Variants in PARD3B observed in about 807,000 individuals in gnomAD.
PARD3B encodes par-3 family cell polarity regulator beta, also known as partitioning defective 3 homolog B.
PARD3B carries 103 observed loss-of-function variants against 130.2 expected under a neutral mutation model. The ratio of observed to expected loss-of-function variants is 0.79; its 90% CI spans 0.67 to 0.93. PARD3B has a LOEUF of 0.93. Among genes scored for constraint, PARD3B ranks in the 40% least tolerant of loss-of-function variants. The pLI, the probability that PARD3B is intolerant of heterozygous loss-of-function variation, is 0.00. For missense variants in PARD3B, 1,609 were observed against 1,499.2 expected (o/e 1.07, Z -1.21); for synonymous variants, 583 against 553.2 (o/e 1.05, Z -0.76).
At chr2:204,800,611 G>T (rs2042534595) in intron 2 of PARD3B, among the ~76,000 whole-genome samples, 1 of 152,152 alleles carries the variant, frequency 6.6e-6, no homozygotes, top group Admixed American at 6.5e-5. Flanking sequence ...CAAGAATAGA[G>T]CCCTTTGTCA....
intron 6 of PARD3B, among the ~76,000 whole-genome samples, chr2:205,118,257 C>G (rs919301502): frequency 6.6e-6 from 1 of 152,146 alleles, no homozygotes; most frequent in East Asian, 1.9e-4. Flanking sequence ...TTTGAAGGCT[C>G]TAGGCTTGTT....
chr2:205,164,822 T>TACGCACACAC (rs71409002), intron 11 of PARD3B, among the ~76,000 whole-genome samples: 1,722 of 147,342 alleles, frequency 0.012, 13 homozygotes, highest in Non-Finnish European at 0.013. Context: ...TATATATGTA[T>TACGCACACAC]ACACACACAC....
intron 19 of PARD3B, among the ~76,000 whole-genome samples, chr2:205,415,631 A>G (rs1574963839): frequency 6.6e-6 from 1 of 152,172 alleles, no homozygotes; most frequent in Admixed American, 6.6e-5. Context: ...TAGTTGTGCA[A>G]TCCTCATTGA....
intron 18 of PARD3B, among the ~76,000 whole-genome samples, chr2:205,391,675 G>A (rs989782514): frequency 6.6e-6 from 1 of 152,164 alleles, no homozygotes; most frequent in South Asian, 2.1e-4. Flanking sequence ...CTCCTGAAGA[G>A]TATTTCTTCT....
At chr2:205,496,322 C>T (rs913953830) in intron 20 of PARD3B, among the ~76,000 whole-genome samples, 1 of 152,026 alleles carries the variant, frequency 6.6e-6, no homozygotes, top group Non-Finnish European at 1.5e-5. Flanking sequence ...AATTTGCTGT[C>T]CCTAATCTTA....
chr2:205,545,498 G>A (rs1198084308), intron 21 of PARD3B, among the ~76,000 whole-genome samples: 1 of 152,116 alleles, frequency 6.6e-6, no homozygotes, highest in Admixed American at 6.5e-5. Flanking sequence ...TTTATACTTT[G>A]CATCTTAATC....
intron 1 of PARD3B, among the ~76,000 whole-genome samples, chr2:204,547,440 A>T (rs1310620996): frequency 6.6e-6 from 1 of 152,216 alleles, no homozygotes; most frequent in Non-Finnish European, 1.5e-5. Context: ...AAAGTGGTTT[A>T]TAAAGCTGTG....
At position 204,821,388 on chromosome 2, in the gene PARD3B, A is replaced by G. The variant is rs923315154; in HGVS notation, c.222+135106A>G. Among the ~76,000 whole-genome samples, 5 of 152,150 alleles carry G rather than the reference A, an allele frequency of 3.3e-5. No homozygotes were observed. In the South Asian group the frequency reaches 8.3e-4, roughly 25 times the overall value. ...TGCAGCCATAAAAAATGATGAGTTC[A>G]TGTCCTTTGTAGGGACATGGATGAA... is the stretch of plus-strand genomic sequence containing the variant. On this transcript the variant is annotated intron_variant, in intron 2 of 22. Transcript: ENST00000406610.
At chr2:205,403,036 A>T (rs1178195693) in intron 19 of PARD3B, among the ~76,000 whole-genome samples, 1 of 152,172 alleles carries the variant, frequency 6.6e-6, no homozygotes, top group Non-Finnish European at 1.5e-5. Context: ...CATCTATGGG[A>T]AACCAATTCA....
rs527340886 is a variant in PARD3B, at chr2:205,419,922, A to C, written c.2741+18799A>C. Among the ~76,000 whole-genome samples, 3 of 152,332 alleles carry C rather than the reference A, an allele frequency of 2.0e-5. No homozygotes were observed. In the South Asian group the frequency reaches 6.2e-4, roughly 32 times the overall value. On this transcript the variant is annotated intron_variant, in intron 19 of 22. Transcript: ENST00000406610. Reference sequence around the variant, plus strand: ...AATGATGTCCCTCCCTCTTCAAAAAAAAATCTGTTCAGTGAATGTGGCTAA... The same window carrying C: ...AATGATGTCCCTCCCTCTTCAAAAACAAATCTGTTCAGTGAATGTGGCTAA...
At chr2:204,785,716 A>C (rs1315346283) in intron 2 of PARD3B, among the ~76,000 whole-genome samples, 2 of 152,168 alleles carry the variant, frequency 1.3e-5, no homozygotes, top group Non-Finnish European at 2.9e-5. Context: ...CAAGAAATAG[A>C]AATGTGTTGA....
At chr2:205,378,695 G>A (rs184473151) in intron 18 of PARD3B, among the ~76,000 whole-genome samples, 440 of 148,786 alleles carry the variant, frequency 3.0e-3, no homozygotes, top group African/African-American at 0.01. Context: ...GCAATGGCAC[G>A]ATCTCAGCTC....
chr2:204,963,488 C>T (rs986808239), intron 2 of PARD3B, among the ~76,000 whole-genome samples: 16 of 151,910 alleles, frequency 1.1e-4, no homozygotes, highest in Admixed American at 2.0e-4. Context: ...ATGCCATTGC[C>T]TAGTTGATTG....
At chr2:205,455,451 T>C (rs1392463212) in intron 20 of PARD3B, among the ~76,000 whole-genome samples, 1 of 151,942 alleles carries the variant, frequency 6.6e-6, no homozygotes, top group Non-Finnish European at 1.5e-5. Context: ...ATTTACACCA[T>C]TTTGTCATTA....
chr2:205,324,174 A>G (rs1432510052), intron 18 of PARD3B, among the ~76,000 whole-genome samples: 1 of 152,188 alleles, frequency 6.6e-6, no homozygotes, highest in Non-Finnish European at 1.5e-5. Flanking sequence ...GTCACACACT[A>G]TGCTGCAAAC....
chr2:204,997,413 T>G (rs1694323989), intron 3 of PARD3B, among the ~76,000 whole-genome samples: 1 of 152,196 alleles, frequency 6.6e-6, no homozygotes, highest in Non-Finnish European at 1.5e-5. Context: ...TACAACTTCT[T>G]TATTGCCCTT....
At chr2:205,249,223 C>T (rs1209165770) in intron 16 of PARD3B, among the ~76,000 whole-genome samples, 5 of 145,936 alleles carry the variant, frequency 3.4e-5, no homozygotes, top group African/African-American at 1.3e-4. Context: ...GTCTCTCGCT[C>T]TTTCTCTTTA....
intron 1 of PARD3B, among the ~76,000 whole-genome samples, chr2:204,665,310 AGCT>A (rs2035976065): frequency 6.6e-6 from 1 of 152,108 alleles, no homozygotes; most frequent in Admixed American, 6.6e-5. Flanking sequence ...CCCACCCTCA[AGCT>A]GTTTGGCTCC....
intron 10 of PARD3B, among the ~76,000 whole-genome samples, chr2:205,148,741 A>T (rs1463883245): frequency 6.6e-6 from 1 of 152,150 alleles, no homozygotes; most frequent in East Asian, 1.9e-4. Context: ...TTTTAAAAAA[A>T]AAAAGCTCTT....
Sources: allele counts gnomAD v4.1 joint callset (sites outside exome capture counted in the v4.1 genomes callset), GRCh38; gene constraint gnomAD v4.1.1; transcripts MANE v1.5; gene names NCBI Gene and HGNC (gene_info 2026-07-23, HGNC 2026-07-21).